The following NFAT5 variants were observed in gnomAD, a reference collection of about 807,000 sequenced individuals.
NFAT5 encodes the protein nuclear factor of activated T-cells 5.
A neutral mutation model predicts 166.5 loss-of-function variants in NFAT5; 31 were observed. The observed-to-expected ratio is 0.19, with a 90% CI of 0.14 to 0.25. The LOEUF (loss-of-function observed/expected upper bound fraction) is 0.25, where lower values mean the gene tolerates loss of function less well. NFAT5 is among the 10% of genes least tolerant of loss of function. The probability of loss-of-function intolerance (pLI) is 1.00; values close to 1 mark genes in which losing one functional copy is unlikely to be tolerated. For missense variants in NFAT5, 1,449 were observed against 1,821.8 expected, an observed-to-expected ratio of 0.80 and a Z score of 3.72; for synonymous variants, 612 against 639.7, an observed-to-expected ratio of 0.96 and a Z score of 0.65.
rs1052188054 is a variant in NFAT5 at position 69,702,986 on chromosome 16, A to G, written c.*6635A>G. 1 of 152,630 alleles carries G rather than the reference A, an allele frequency of 6.6e-6. No homozygotes were observed. Among genetic ancestry groups the G allele is most frequent in the Non-Finnish European group, 1.5e-5 (1 of 68,034 alleles). 9.5% of individuals were successfully genotyped at this position (152,630 alleles called of 1,614,324 possible). A position where few individuals can be genotyped will look rare whatever the true frequency, so the allele number is the denominator to read the frequency against. On this transcript the variant is annotated 3_prime_UTR_variant, in exon 15 of 15. Coordinates refer to ENST00000349945, the MANE Select transcript of NFAT5 (RefSeq NM_138713.4). Reference sequence around the variant, plus strand: ...TGACTGATTTAAATATATAGGTGCAATGTTCTATGTTTATTTTAATTGTTA... The same window carrying G: ...TGACTGATTTAAATATATAGGTGCAGTGTTCTATGTTTATTTTAATTGTTA...
intron 2 of NFAT5, among the ~76,000 whole-genome samples, chr16:69,620,848 A>G (rs994422217): frequency 1.3e-5 from 2 of 152,222 alleles, no homozygotes; most frequent in Admixed American, 1.3e-4. Flanking sequence ...GAATTATGAC[A>G]TAAGATTTAA....
chr16:69,681,944 GAA>G (rs2037079233), intron 10 of NFAT5, among the ~76,000 whole-genome samples: 2 of 147,186 alleles, frequency 1.4e-5, no homozygotes, highest in African/African-American at 5.0e-5. Context: ...AGAAAGAAAA[GAA>G]AATCTAGGGA....
intron 2 of NFAT5, among the ~76,000 whole-genome samples, chr16:69,601,428 C>T (rs572477249): frequency 1.3e-5 from 2 of 152,026 alleles, no homozygotes; most frequent in Non-Finnish European, 2.9e-5. Context: ...AGTGCAGTGG[C>T]GCAATCACGG....
chr16:69,663,695 G>A (rs1309301131), intron 7 of NFAT5, among the ~76,000 whole-genome samples: 1 of 151,540 alleles, frequency 6.6e-6, no homozygotes, highest in African/African-American at 2.4e-5. Flanking sequence ...CATAGCAAGA[G>A]TCCATCTCCA....
chr16:69,573,485 C>G (rs957929479), intron 2 of NFAT5, among the ~76,000 whole-genome samples: 2 of 151,936 alleles, frequency 1.3e-5, no homozygotes, highest in Non-Finnish European at 1.5e-5. Flanking sequence ...CTATTGAATT[C>G]TTTTCTTGTT....
chr16:69,661,365 TGTC>T (rs2036127552), intron 7 of NFAT5, among the ~76,000 whole-genome samples: 1 of 147,242 alleles, frequency 6.8e-6, no homozygotes, highest in Non-Finnish European at 1.5e-5. Flanking sequence ...TGAGAGAACC[TGTC>T]TTTACAAAAA....
chr16:69,605,508 G>A (rs2033357752), intron 2 of NFAT5, among the ~76,000 whole-genome samples: 1 of 152,186 alleles, frequency 6.6e-6, no homozygotes, highest in African/African-American at 2.4e-5. Context: ...GCATCTTACA[G>A]GGAGCATGGC....
intron 2 of NFAT5, among the ~76,000 whole-genome samples, chr16:69,621,601 C>T (rs575115031): frequency 6.6e-6 from 1 of 152,162 alleles, no homozygotes; most frequent in South Asian, 2.1e-4. Context: ...TAAAAGATAA[C>T]ATAAGAAAAA....
intron 2 of NFAT5, among the ~76,000 whole-genome samples, chr16:69,569,415 CAT>C (rs2016304369): frequency 2.0e-5 from 3 of 151,512 alleles, no homozygotes; most frequent in South Asian, 4.2e-4. Flanking sequence ...GTGAAATACA[CAT>C]GTAACCAGTA....
At chr16:69,685,696 A>G (rs1438179795) in intron 11 of NFAT5, 1 of 152,206 alleles carries the variant, frequency 6.6e-6, no homozygotes, top group Non-Finnish European at 1.5e-5. Context: ...CATCATCTAT[A>G]GTTATTGCTG....
chr16:69,606,394 A>G (rs1379572361), intron 2 of NFAT5, among the ~76,000 whole-genome samples: 2 of 152,180 alleles, frequency 1.3e-5, no homozygotes, highest in African/African-American at 4.8e-5. Flanking sequence ...TGGATTTAGT[A>G]TTGCTGGATC....
At chr16:69,600,781 G>T (rs1306044278) in intron 2 of NFAT5, among the ~76,000 whole-genome samples, 1 of 120,744 alleles carries the variant, frequency 8.3e-6, no homozygotes, top group African/African-American at 3.4e-5. Context: ...AAAAAAAAAG[G>T]CTCCTGAGCT....
chr16:69,699,242 T>A lies in NFAT5; in HGVS notation c.*2891T>A, dbSNP rs984380403. 1 of 153,094 alleles carries A rather than the reference T, an allele frequency of 6.5e-6. No individual in the cohort carries two copies. Among genetic ancestry groups the A allele is most frequent in the Non-Finnish European group, 1.5e-5 (1 of 68,030 alleles). 9.5% of individuals were successfully genotyped at this position (153,094 alleles called of 1,614,324 possible). ...GTGGCGACTGGCTTGTGTGCTGACT[T>A]CTGTGGTTTAGCAAGAGGTTTATTG... On this transcript the variant is annotated 3_prime_UTR_variant, in exon 15 of 15. Transcript: ENST00000349945.
At chr16:69,669,078 G>A (rs1469478936) in intron 7 of NFAT5, among the ~76,000 whole-genome samples, 1 of 151,886 alleles carries the variant, frequency 6.6e-6, no homozygotes, top group Non-Finnish European at 1.5e-5. Context: ...TGATTTTTTT[G>A]TAGAGACAAG....
chr16:69,652,588 T>C (rs1030356659), intron 4 of NFAT5, among the ~76,000 whole-genome samples: 1 of 152,166 alleles, frequency 6.6e-6, no homozygotes, highest in Non-Finnish European at 1.5e-5. Context: ...AAAGATTGTT[T>C]AGAGTAAAGC....
chr16:69,664,355 G>A (rs1481347171), intron 7 of NFAT5, among the ~76,000 whole-genome samples: 1 of 152,058 alleles, frequency 6.6e-6, no homozygotes, highest in Non-Finnish European at 1.5e-5. Flanking sequence ...GGCGATCCCG[G>A]CTCACTGCAA....
At chr16:69,652,773 C>CTTTTT (rs10530053) in intron 4 of NFAT5, among the ~76,000 whole-genome samples, 99,027 of 151,358 alleles carry the variant, frequency 0.65, 33,087 homozygotes, top group East Asian at 0.9. Flanking sequence ...GCTACCCTCA[C>CTTTTT]TTCTTTTACT....
At chr16:69,616,253 C>T (rs749401713) in intron 2 of NFAT5, among the ~76,000 whole-genome samples, 1 of 151,906 alleles carries the variant, frequency 6.6e-6, no homozygotes, top group Non-Finnish European at 1.5e-5. Flanking sequence ...TGTAACTCCC[C>T]GTGCTGGGCT....
At chr16:69,588,317 A>G (rs2032229544) in intron 2 of NFAT5, among the ~76,000 whole-genome samples, 1 of 152,192 alleles carries the variant, frequency 6.6e-6, no homozygotes, top group African/African-American at 2.4e-5. Flanking sequence ...TTAGCTTAAT[A>G]TCTTTTCTAA....
Sources: gnomAD v4.1 joint callset for allele counts (sites outside exome capture counted in the v4.1 genomes callset) on GRCh38, gnomAD v4.1.1 for gene constraint, MANE v1.5 for transcripts, NCBI Gene and HGNC (gene_info 2026-07-23, HGNC 2026-07-21) for gene names.